The following BNC2 variants were observed in gnomAD, a reference collection of about 807,000 sequenced individuals.
BNC2 encodes the protein zinc finger protein basonuclin-2.
BNC2 carries 20 observed loss-of-function variants against 76.3 expected under a neutral mutation model. The ratio of observed to expected loss-of-function variants is 0.26; its 90% confidence interval spans 0.18 to 0.38. The LOEUF (loss-of-function observed/expected upper bound fraction) is 0.38, where lower values mean the gene tolerates loss of function less well. BNC2 is among the 10% of genes least tolerant of loss of function. BNC2 has a pLI of 1.00. For missense variants in BNC2, 1,382 were observed against 1,399.8 expected, an observed-to-expected ratio of 0.99 and a Z score of 0.20; for synonymous variants, 582 against 514.8, an observed-to-expected ratio of 1.13 and a Z score of -1.77.
At chr9:16,610,386 C>T (rs1005078545) in intron 3 of BNC2, among the ~76,000 whole-genome samples, 2 of 152,026 alleles carry the variant, frequency 1.3e-5, no homozygotes, top group African/African-American at 4.8e-5. Context: ...TTAAATACCC[C>T]CAGAAGGAAT....
At chr9:16,815,056 A>G (rs1818148537) in intron 1 of BNC2, among the ~76,000 whole-genome samples, 1 of 152,194 alleles carries the variant, frequency 6.6e-6, no homozygotes, top group Non-Finnish European at 1.5e-5. Flanking sequence ...AAATTATATA[A>G]TAATGATATA....
At chr9:16,546,050 T>G (rs1818471917) in intron 5 of BNC2, among the ~76,000 whole-genome samples, 1 of 152,218 alleles carries the variant, frequency 6.6e-6, no homozygotes, top group South Asian at 2.1e-4. Context: ...CTAAAATGCA[T>G]TCCCTATTTT....
chr9:16,822,876 G>C (rs980392595), intron 1 of BNC2, among the ~76,000 whole-genome samples: 1 of 152,012 alleles, frequency 6.6e-6, no homozygotes, highest in Non-Finnish European at 1.5e-5. Flanking sequence ...TTTAAGCCAA[G>C]AAAAATTACA....
At chr9:16,464,032 T>C (rs1344129455) in intron 5 of BNC2, among the ~76,000 whole-genome samples, 1 of 130,408 alleles carries the variant, frequency 7.7e-6, no homozygotes, top group Non-Finnish European at 1.5e-5. Flanking sequence ...AGGCAGAGGT[T>C]ACAGTGAGCC....
chr9:16,788,510 G>A (rs887383217), intron 1 of BNC2, among the ~76,000 whole-genome samples: 3 of 143,236 alleles, frequency 2.1e-5, no homozygotes, highest in East Asian at 2.1e-4. Flanking sequence ...CCGAGATGAC[G>A]CCACTGCACT....
chr9:16,685,793 T>C (rs1252434728), intron 3 of BNC2, among the ~76,000 whole-genome samples: 2 of 152,188 alleles, frequency 1.3e-5, no homozygotes, highest in Admixed American at 6.5e-5. Context: ...ATATAGTGAA[T>C]ACCATGTAAC....
intron 6 of BNC2, chr9:16,429,841 G>C (rs1048924543): frequency 6.6e-6 from 3 of 456,290 alleles, no homozygotes; most frequent in African/African-American, 6.0e-5. Context: ...TTCTTGTAGT[G>C]GAGGAGTGAA....
At position 16,435,991 on chromosome 9, in the gene BNC2, C is replaced by T. The variant is rs945086064; in HGVS notation, c.2203G>A (p.Glu735Lys). The change falls in exon 6 of 7, where the codon GAG (glutamate) becomes AAG (lysine). Residue 735 changes from glutamate to lysine, a missense_variant. By Grantham distance (56) the Glu-to-Lys change is moderately conservative (BLOSUM62 1). This residue lies in a region of BNC2 where 798 missense variants were observed against 775.5 expected (regional missense o/e 1.03). Transcript: ENST00000380672. The part of the protein sequence containing the change: ...ESESSEPKLG[E>K]ESMEGDEHIH... ...TGCTCATCCCCTTCCATGGATTCCT[C>T]GCCCAGTTTGGGCTCCGAAGACTCA... is the stretch of plus-strand genomic sequence containing the variant. 12 of 1,614,182 alleles carry T rather than the reference C, an allele frequency of 7.4e-6. No homozygotes were observed. Among genetic ancestry groups the T allele is most frequent in the East Asian group, 4.5e-5 (2 of 44,868 alleles).
rs1563866358 is a variant in BNC2 at position 16,618,777 on chromosome 9, C to T, written c.331-35692G>A. Among the ~76,000 whole-genome samples, 3 of 152,158 alleles carry T rather than the reference C, an allele frequency of 2.0e-5. No individual in the cohort carries two copies. The South Asian group carries it at 6.2e-4, about 32-fold the overall frequency. On this transcript the variant is annotated intron_variant, in intron 3 of 6. Coordinates refer to ENST00000380672, the MANE Select transcript of BNC2 (RefSeq NM_017637.6). ...TTAATTGTGCTGGTGCTCTCTGAAGCTCTAACACCGGCTTTGTCAACAGCT... is the reference window on the plus strand; with the variant it reads ...TTAATTGTGCTGGTGCTCTCTGAAGTTCTAACACCGGCTTTGTCAACAGCT...
chr9:16,782,707 T>C (rs377127225), intron 1 of BNC2, among the ~76,000 whole-genome samples: 2 of 152,188 alleles, frequency 1.3e-5, no homozygotes, highest in Admixed American at 6.5e-5. Flanking sequence ...CCATTTATCA[T>C]AGTACGTGGT....
rs551604122 is a variant in BNC2, at chr9:16,708,431, G to A, written c.330+19366C>T. On this transcript the variant is annotated intron_variant, in intron 3 of 6. Coordinates refer to ENST00000380672, the MANE Select transcript of BNC2 (RefSeq NM_017637.6). ...TCTGCAGGGATTCATTTGGAGTCGAGAGATTGGCTAAATCAACCCCCTCCT... is the reference window on the plus strand; with the variant it reads ...TCTGCAGGGATTCATTTGGAGTCGAAAGATTGGCTAAATCAACCCCCTCCT... Among the ~76,000 whole-genome samples, 14 of 152,312 alleles carry A rather than the reference G, an allele frequency of 9.2e-5. No individual in the cohort carries two copies. In the South Asian group the frequency reaches 2.9e-3, roughly 32 times the overall value.
chr9:16,822,818 T>G (rs1334821453), intron 1 of BNC2, among the ~76,000 whole-genome samples: 1 of 152,236 alleles, frequency 6.6e-6, no homozygotes, highest in Non-Finnish European at 1.5e-5. Flanking sequence ...CACTAAAATC[T>G]AATCAAACGT....
chr9:16,867,682 A>T (rs1819575575), intron 1 of BNC2: 1 of 151,878 alleles, frequency 6.6e-6, no homozygotes, highest in Non-Finnish European at 1.5e-5. Flanking sequence ...CAAAAAGAAT[A>T]GCTCCCTCTA....
At chr9:16,444,765 G>C (rs1336665072) in intron 5 of BNC2, among the ~76,000 whole-genome samples, 2 of 152,140 alleles carry the variant, frequency 1.3e-5, no homozygotes, top group African/African-American at 2.4e-5. Context: ...TACATAATAT[G>C]TGCAGTCCTC....
At chr9:16,776,926 G>C (rs1182437356) in intron 1 of BNC2, among the ~76,000 whole-genome samples, 1 of 152,004 alleles carries the variant, frequency 6.6e-6, no homozygotes, top group African/African-American at 2.4e-5. Flanking sequence ...AGGAGTTCGA[G>C]ACCAGCCTGG....
chr9:16,552,665 C>A lies in BNC2; in HGVS notation c.534G>T (p.Gly178=), dbSNP rs927060012. 5 of 1,614,070 alleles carry A rather than the reference C, an allele frequency of 3.1e-6. No individual in the cohort carries two copies. The African/African-American group carries it at 6.7e-5, about 22-fold the overall frequency. The part of the protein sequence containing the change: ...VFDISSLMLY[G]TQAVPVRLKI... ...TTAGCCGCACAGGCACTGCTTGTGT[C>A]CCATAGAGCATCAGGCTGCTGATGT... is the stretch of plus-strand genomic sequence containing the variant. The change falls in exon 5 of 7, where the codon GGG becomes GGT. Residue 178 remains glycine, a synonymous_variant. Transcript: ENST00000380672.
chr9:16,478,072 G>C lies in BNC2; in HGVS notation c.670-40548C>G, dbSNP rs1927634. On this transcript the variant is annotated intron_variant, in intron 5 of 6. Transcript: ENST00000380672. ...AGCTGTATCTGGCTCATCACAGTCT[G>C]AGGTAGTTCATTTCATTGTTTCATG... Among the ~76,000 whole-genome samples the C allele has an allele frequency of 1.4e-3, 215 of 152,300 alleles. 1 individual carries two copies. The East Asian group carries it at 0.023, about 17-fold the overall frequency.
chr9:16,844,727 T>G (rs1191963429), intron 1 of BNC2, among the ~76,000 whole-genome samples: 1 of 152,206 alleles, frequency 6.6e-6, no homozygotes, highest in East Asian at 1.9e-4. Flanking sequence ...TCGGACTCCT[T>G]ACCTCAGGTG....
chr9:16,605,705 T>G (rs10962506), intron 3 of BNC2, among the ~76,000 whole-genome samples: 1 of 151,260 alleles, frequency 6.6e-6, no homozygotes, highest in Non-Finnish European at 1.5e-5. Context: ...ACCAGAGCCA[T>G]GAAAACAAGC....
Sources: gnomAD v4.1 joint callset for allele counts (sites outside exome capture counted in the v4.1 genomes callset) on GRCh38, gnomAD v4.1.1 for gene constraint, gnomAD v4.1.1 regional missense constraint, MANE v1.5 for transcripts, NCBI Gene and HGNC (gene_info 2026-07-23, HGNC 2026-07-21) for gene names.